The following HDAC9 variants were observed in gnomAD, a reference collection of about 807,000 sequenced individuals.
HDAC9 encodes MEF-2 interacting transcription repressor (MITR) protein.
In HDAC9, 41 loss-of-function variants were observed where a neutral mutation model predicts 139.4. The ratio of observed to expected loss-of-function variants is 0.29; its 90% confidence interval spans 0.23 to 0.38. The LOEUF (loss-of-function observed/expected upper bound fraction) is 0.38. HDAC9 is among the 10% of genes least tolerant of loss of function. The pLI is 1.00. For missense variants in HDAC9, 1,147 were observed against 1,297.0 expected, an observed-to-expected ratio of 0.88 and a Z score of 1.78; for synonymous variants, 517 against 476.2, an observed-to-expected ratio of 1.09 and a Z score of -1.12.
chr7:18,377,755 A>G (rs963971040), intron 1 of HDAC9, among the ~76,000 whole-genome samples: 5 of 152,152 alleles, frequency 3.3e-5, no homozygotes, highest in African/African-American at 4.8e-5. Flanking sequence ...TTCTTCTCCA[A>G]AGATAATAAT....
chr7:18,710,848 C>T (rs1162510697), intron 12 of HDAC9, among the ~76,000 whole-genome samples: 1 of 152,150 alleles, frequency 6.6e-6, no homozygotes, highest in African/African-American at 2.4e-5. Context: ...TATTCAGTGA[C>T]AGAGATTAGC....
chr7:18,293,131 C>T (rs1175958693), intron 1 of HDAC9, among the ~76,000 whole-genome samples: 1 of 152,020 alleles, frequency 6.6e-6, no homozygotes, highest in Non-Finnish European at 1.5e-5. Context: ...CCTTCGTTGG[C>T]TACAGTACTT....
chr7:18,198,517 CAT>C (rs914523598), intron 2 of HDAC9, among the ~76,000 whole-genome samples: 2 of 152,132 alleles, frequency 1.3e-5, no homozygotes, highest in African/African-American at 4.8e-5. Flanking sequence ...TGCATCTCCT[CAT>C]ATGTTTCTAG....
intron 2 of HDAC9, chr7:18,543,129 A>G (rs1012629916): frequency 1.3e-5 from 2 of 152,152 alleles, no homozygotes; most frequent in African/African-American, 4.8e-5. Context: ...TTATTTTTTG[A>G]CAGACCCTGT....
chr7:18,609,471 G>A (rs1057076711), intron 6 of HDAC9, among the ~76,000 whole-genome samples: 8 of 152,130 alleles, frequency 5.3e-5, no homozygotes, highest in Non-Finnish European at 8.8e-5. Context: ...TGGTGAAACC[G>A]TTTCGGTGTC....
At chr7:18,110,259 T>G (rs1281979576) in intron 1 of HDAC9, among the ~76,000 whole-genome samples, 1 of 152,180 alleles carries the variant, frequency 6.6e-6, no homozygotes, top group Non-Finnish European at 1.5e-5. Context: ...TATAGTCTAT[T>G]TTGGGCAGAA....
chr7:18,767,232 T>G, intron 16 of HDAC9, 77 bp downstream of exon 16: 1 of 817,680 alleles, frequency 1.2e-6, no homozygotes, highest in Non-Finnish European at 1.9e-6. Flanking sequence ...ATCTATTCAG[T>G]TTTAGGGTTA....
At chr7:18,987,626 A>G (rs1482194784) in intron 25 of HDAC9, among the ~76,000 whole-genome samples, 1 of 152,170 alleles carries the variant, frequency 6.6e-6, no homozygotes, top group Admixed American at 6.5e-5. Context: ...TGATTGGCAT[A>G]GTTTCAGAAG....
intron 12 of HDAC9, among the ~76,000 whole-genome samples, chr7:18,721,856 A>C (rs987849687): frequency 6.6e-6 from 1 of 152,198 alleles, no homozygotes; most frequent in Non-Finnish European, 1.5e-5. Flanking sequence ...CACCCCCAAG[A>C]AAATATTTAA....
chr7:18,464,147 A>T (rs1454024696), intron 1 of HDAC9, among the ~76,000 whole-genome samples: 1 of 151,942 alleles, frequency 6.6e-6, no homozygotes, highest in South Asian at 2.1e-4. Context: ...TGCTAATTTA[A>T]CTACACTGGT....
chr7:18,988,860 C>G (rs371264254), intron 25 of HDAC9, among the ~76,000 whole-genome samples: 41 of 150,680 alleles, frequency 2.7e-4, no homozygotes, highest in Non-Finnish European at 4.6e-4. Context: ...TTTAAAGTCT[C>G]TTTTATCAGA....
At chr7:18,926,433 G>C (rs1804236273) in intron 22 of HDAC9, among the ~76,000 whole-genome samples, 1 of 152,126 alleles carries the variant, frequency 6.6e-6, no homozygotes, top group Admixed American at 6.6e-5. Context: ...GGCCTTTAAT[G>C]ATTAAATATT....
chr7:18,977,856 T>C (rs1313134991), intron 25 of HDAC9, among the ~76,000 whole-genome samples: 1 of 151,716 alleles, frequency 6.6e-6, no homozygotes, highest in African/African-American at 2.4e-5. Context: ...GAAGAATTCT[T>C]CTAGAACTGG....
At chr7:18,673,676 G>A (rs1012803309) in intron 12 of HDAC9, among the ~76,000 whole-genome samples, 11 of 151,884 alleles carry the variant, frequency 7.2e-5, no homozygotes, top group Non-Finnish European at 1.3e-4. Context: ...GCTTTAGATC[G>A]TCTTCATCTC....
rs180768883 is a variant in HDAC9 at position 18,841,538 on chromosome 7, T to A, written c.2684+5541T>A. 1.9e-4 allele frequency among the ~76,000 whole-genome samples: 29 copies of A among 152,234 alleles called. No individual in the cohort carries two copies. The East Asian group carries it at 5.6e-3, about 29-fold the overall frequency. On this transcript the variant is annotated intron_variant, in intron 21 of 25. Coordinates refer to ENST00000686413, the MANE Select transcript of HDAC9 (RefSeq NM_178425.4). ...ACCACGCTTCTTGAGCTTCGGTAGG[T>A]TTCCTGATGTCACACAGCTGGTATA... is the stretch of plus-strand genomic sequence containing the variant.
chr7:18,429,535 CTG>C (rs984834782), intron 1 of HDAC9, among the ~76,000 whole-genome samples: 14 of 150,646 alleles, frequency 9.3e-5, no homozygotes, highest in East Asian at 7.8e-4. Flanking sequence ...AAGTTTGACT[CTG>C]TGTGTGTGTA....
intron 22 of HDAC9, among the ~76,000 whole-genome samples, chr7:18,883,824 ATAAT>A (rs1414271853): frequency 6.6e-6 from 1 of 152,148 alleles, no homozygotes; most frequent in Non-Finnish European, 1.5e-5. Flanking sequence ...GATAAAACCA[ATAAT>A]TAAATACAGT....
At chr7:18,701,267 A>G (rs906845639) in intron 12 of HDAC9, among the ~76,000 whole-genome samples, 1 of 152,104 alleles carries the variant, frequency 6.6e-6, no homozygotes, top group Admixed American at 6.6e-5. Flanking sequence ...TTGGTGTATC[A>G]TTCTAGTCAT....
chr7:18,171,675 A>G (rs1314118032), intron 2 of HDAC9, among the ~76,000 whole-genome samples: 4 of 152,184 alleles, frequency 2.6e-5, no homozygotes, highest in African/African-American at 7.2e-5. Flanking sequence ...AATTTTGTCT[A>G]AGGCCTTTTC....
Sources: allele counts gnomAD v4.1 joint callset (sites outside exome capture counted in the v4.1 genomes callset), GRCh38; gene constraint gnomAD v4.1.1; transcripts MANE v1.5; gene names NCBI Gene and HGNC (gene_info 2026-07-23, HGNC 2026-07-21).